Variants in RUVBL1 observed in about 807,000 individuals in gnomAD.
RUVBL1 encodes RuvB like AAA ATPase 1, also known as ruvB-like 1.
A neutral mutation model predicts 52.4 loss-of-function variants in RUVBL1; 4 were observed. That is an observed-to-expected ratio of 0.08 (90% confidence interval 0.04 to 0.17). The LOEUF (loss-of-function observed/expected upper bound fraction) is 0.17. RUVBL1 is among the 10% of genes least tolerant of loss of function. RUVBL1 has a pLI of 1.00. For synonymous variants in RUVBL1, 217 were observed against 214.4 expected, an observed-to-expected ratio of 1.01 and a Z score of -0.10; for missense variants, 298 against 572.8, an observed-to-expected ratio of 0.52 and a Z score of 4.90.
At chr3:128,153,440 C>T in exon 1 of RUVBL1, 1 of 1,428,840 alleles carries the variant, frequency 7.0e-7, no homozygotes, top group South Asian at 1.5e-5. Context: ...CTTAACGGGC[C>T]GGACCGCGGC....
At position 128,104,617 on chromosome 3, in the gene RUVBL1, G is replaced by A. The variant is rs72986256; in HGVS notation, c.513+156C>T. On this transcript the variant is annotated intron_variant, in intron 4 of 10. Coordinates refer to ENST00000322623, the MANE Select transcript of RUVBL1 (RefSeq NM_003707.3). ...ATGTGCAAGCCCTATGCTAGGTACCGCTTTATACACACAATATCCTCAACC... is the reference window on the plus strand; with the variant it reads ...ATGTGCAAGCCCTATGCTAGGTACCACTTTATACACACAATATCCTCAACC... 9.0e-4 allele frequency among the ~76,000 whole-genome samples: 137 copies of A among 152,242 alleles called. 1 individual carries two copies. The highest frequency in any genetic ancestry group is 3.1e-3 in the African/African-American group (130 of 41,548).
chr3:128,137,087 A>G (rs1038596615), intron 1 of RUVBL1, among the ~76,000 whole-genome samples: 6 of 152,196 alleles, frequency 3.9e-5, no homozygotes, highest in East Asian at 3.8e-4. Context: ...CCACAAAACA[A>G]TAAGTGCCTA....
rs889055028 is a variant in RUVBL1 at position 128,135,303 on chromosome 3, C to T, written c.-39-15889G>A. Among the ~76,000 whole-genome samples, 8 of 152,174 alleles carry T rather than the reference C, an allele frequency of 5.3e-5. No homozygotes were observed. In the East Asian group the frequency reaches 5.8e-4, roughly 11 times the overall value. ...ATCCCAGCACTTTGGGAGGCCGAGGCGGGTGGATCACCTGATGTCAGGAGT... is the reference window on the plus strand; with the variant it reads ...ATCCCAGCACTTTGGGAGGCCGAGGTGGGTGGATCACCTGATGTCAGGAGT... On this transcript the variant is annotated intron_variant, in intron 1 of 9. Transcript: ENST00000464873.
At chr3:128,125,096 G>C (rs1943765107), upstream of RUVBL1, among the ~76,000 whole-genome samples, 1 of 126,200 alleles carries the variant, frequency 7.9e-6, no homozygotes, top group Admixed American at 9.9e-5. Context: ...CTCACTGCAA[G>C]CTCCGCCTCC....
At chr3:128,152,440 C>T (rs1382609711) in intron 1 of RUVBL1, among the ~76,000 whole-genome samples, 1 of 152,194 alleles carries the variant, frequency 6.6e-6, no homozygotes, top group Non-Finnish European at 1.5e-5. Context: ...TTCCCTGACC[C>T]ACAGTTAGGT....
intron 8 of RUVBL1, among the ~76,000 whole-genome samples, chr3:128,094,414 A>C (rs185304604): frequency 1.2e-4 from 18 of 152,324 alleles, no homozygotes; most frequent in African/African-American, 4.1e-4. Flanking sequence ...TTTTCACGGC[A>C]ATCTGTTGTC....
intron 1 of RUVBL1, among the ~76,000 whole-genome samples, chr3:128,129,590 G>A (rs1943845571): frequency 1.3e-5 from 2 of 152,254 alleles, no homozygotes; most frequent in East Asian, 1.9e-4. Context: ...GAGAATAGCA[G>A]TATTCCCAGT....
intron 1 of RUVBL1, among the ~76,000 whole-genome samples, chr3:128,135,452 G>C (rs1943934785): frequency 1.3e-5 from 2 of 152,218 alleles, no homozygotes; most frequent in Non-Finnish European, 2.9e-5. Context: ...AGAATCGCTT[G>C]AACCCAGGAG....
At chr3:128,118,177 G>A (rs996139720) in intron 2 of RUVBL1, among the ~76,000 whole-genome samples, 2 of 152,168 alleles carry the variant, frequency 1.3e-5, no homozygotes, top group African/African-American at 4.8e-5. Flanking sequence ...TAAATGCACT[G>A]GACAAGCTAA....
At chr3:128,141,047 G>A (rs1285271468) in intron 1 of RUVBL1, among the ~76,000 whole-genome samples, 1 of 152,054 alleles carries the variant, frequency 6.6e-6, no homozygotes, top group African/African-American at 2.4e-5. Context: ...TATTTTTGTG[G>A]TTTCTGACTA....
chr3:128,075,808 G>C (rs981062408), intron 9 of RUVBL1: 2 of 152,396 alleles, frequency 1.3e-5, no homozygotes, highest in Non-Finnish European at 1.5e-5. Context: ...CGCGGCCCTG[G>C]AACGCTGTGG....
chr3:128,111,358 T>C (rs796945813), intron 3 of RUVBL1, among the ~76,000 whole-genome samples: 9 of 152,192 alleles, frequency 5.9e-5, no homozygotes, highest in African/African-American at 2.2e-4. Flanking sequence ...GACCACTGTA[T>C]CCCCAGGAGA....
chr3:128,069,425 T>G, intron 9 of RUVBL1: 1 of 1,566,682 alleles, frequency 6.4e-7, no homozygotes, highest in Non-Finnish European at 8.6e-7. Flanking sequence ...GCCGCCTGGC[T>G]CACGGGGAGC....
chr3:128,116,804 T>A (rs565817861), intron 2 of RUVBL1, among the ~76,000 whole-genome samples: 1 of 152,346 alleles, frequency 6.6e-6, no homozygotes, highest in African/African-American at 2.4e-5. Context: ...TATGGTTACC[T>A]ACTCCTTTCT....
intron 1 of RUVBL1, among the ~76,000 whole-genome samples, chr3:128,134,718 T>C (rs1016566352): frequency 6.7e-6 from 1 of 149,254 alleles, no homozygotes; most frequent in Non-Finnish European, 1.5e-5. Flanking sequence ...AGAGAATCAA[T>C]TGAGCCTGGG....
chr3:128,130,645 T>G (rs1045262957), intron 1 of RUVBL1, among the ~76,000 whole-genome samples: 7 of 147,980 alleles, frequency 4.7e-5, no homozygotes, highest in Admixed American at 2.0e-4. Context: ...ATTTATTTAT[T>G]TATTTATTTA....
chr3:128,101,226 T>C (rs1943101627), intron 5 of RUVBL1, among the ~76,000 whole-genome samples: 2 of 152,146 alleles, frequency 1.3e-5, no homozygotes, highest in South Asian at 4.1e-4. Flanking sequence ...ACCAAAGAGA[T>C]AAAAGGAAGA....
Position 128,121,703 on chromosome 3 carries a change from T to A in RUVBL1, c.141+1881A>T, listed in dbSNP as rs1303250665. Among the ~76,000 whole-genome samples the A allele has an allele frequency of 3.3e-5, 3 of 89,828 alleles. No homozygotes were observed. In the East Asian group the frequency reaches 1.0e-3, roughly 31 times the overall value. 58.9% of individuals were successfully genotyped at this position (89,828 alleles called of 152,430 possible). ...CCAGCCTGGGCAACAAGAGCAAAAC[T>A]TCGTCTCAAAAAAAAAAAAAAAAAA... On this transcript the variant is annotated intron_variant, in intron 1 of 10. Coordinates refer to ENST00000322623, the MANE Select transcript of RUVBL1 (RefSeq NM_003707.3).
chr3:128,101,828 ACTGG>A (rs1256290243), intron 4 of RUVBL1, among the ~76,000 whole-genome samples, 180 bp from the exon 5 acceptor site: 2 of 152,212 alleles, frequency 1.3e-5, no homozygotes, highest in African/African-American at 4.8e-5. Context: ...CACACAACAG[ACTGG>A]CTGGGGGACT....
Sources: allele counts gnomAD v4.1 joint callset (sites outside exome capture counted in the v4.1 genomes callset), GRCh38; gene constraint gnomAD v4.1.1; transcripts MANE v1.5; gene names NCBI Gene and HGNC (gene_info 2026-07-23, HGNC 2026-07-21).